Variants in POU2AF3 observed in about 807,000 individuals in gnomAD.
The protein encoded by POU2AF3 is cancer susceptibility candidate 13.
chr11:111,298,782 G>A, the POU2AF3 span: 4 of 1,168,080 alleles, frequency 3.4e-6, no homozygotes, highest in Non-Finnish European at 4.3e-6. Context: ...GAGGGCAGAG[G>A]CCCAGAGGCC....
chr11:111,306,483 T>G, the POU2AF3 span: 45 of 1,516,456 alleles, frequency 3.0e-5, no homozygotes, highest in African/African-American at 6.0e-4. Flanking sequence ...TGAAGAAAAC[T>G]CAAGCTGCCT....
At chr11:111,298,826 G>GGGGGGGCC in the POU2AF3 span, 63 of 790,938 alleles carry the variant, frequency 8.0e-5, no homozygotes, top group South Asian at 2.7e-4. Flanking sequence ...CGTACCCCAG[G>GGGGGGGCC]CCCCCGCCCG....
chr11:111,298,826 G>GGGGGGGCCCC, the POU2AF3 span: 2 of 790,962 alleles, frequency 2.5e-6, no homozygotes, highest in African/African-American at 1.8e-5. Context: ...CGTACCCCAG[G>GGGGGGGCCCC]CCCCCGCCCG....
At chr11:111,304,949 C>T in the POU2AF3 span, 1 of 1,233,014 alleles carries the variant, frequency 8.1e-7, no homozygotes, top group South Asian at 4.1e-5. Context: ...CAGCAGTGTC[C>T]ACCTTTCAGA....
the POU2AF3 span, among the ~76,000 whole-genome samples, chr11:111,301,959 T>C: frequency 6.6e-6 from 1 of 152,222 alleles, no homozygotes; most frequent in African/African-American, 2.4e-5. Flanking sequence ...ATACAGCACA[T>C]GCAGCTGGAA....
the POU2AF3 span, chr11:111,299,179 C>T: frequency 1.0e-6 from 1 of 963,746 alleles, no homozygotes. Context: ...CTCCTGGAAC[C>T]CGGCTTGAGG....
the POU2AF3 span, chr11:111,306,425 C>T: frequency 1.4e-6 from 2 of 1,468,942 alleles, no homozygotes; most frequent in East Asian, 2.5e-5. Flanking sequence ...CAATTTCTTC[C>T]ACGCCCAATT....
the POU2AF3 span, chr11:111,298,826 G>GGGGGGGGGCCCC: frequency 2.3e-5 from 18 of 790,960 alleles, no homozygotes; most frequent in Non-Finnish European, 2.9e-5. Context: ...CGTACCCCAG[G>GGGGGGGGGCCCC]CCCCCGCCCG....
chr11:111,307,719 A>G, the POU2AF3 span, among the ~76,000 whole-genome samples: 1 of 152,364 alleles, frequency 6.6e-6, no homozygotes. Flanking sequence ...TGCCACCTAC[A>G]GCTTAGATTG....
At chr11:111,298,824 A>AGGCCGGGG in the POU2AF3 span, 22 of 903,130 alleles carry the variant, frequency 2.4e-5, no homozygotes, top group Non-Finnish European at 2.9e-5. Context: ...CGCGTACCCC[A>AGGCCGGGG]GGCCCCCGCC....
At chr11:111,304,847 T>C in the POU2AF3 span, 3 of 748,900 alleles carry the variant, frequency 4.0e-6, no homozygotes, top group African/African-American at 3.6e-5. Context: ...GAAAGAAACA[T>C]AGTCCTCATC....
the POU2AF3 span, chr11:111,298,728 G>T: frequency 9.1e-7 from 1 of 1,102,608 alleles, no homozygotes. Flanking sequence ...ATCCGGAGAG[G>T]ACGCGAGCCA....
the POU2AF3 span, chr11:111,299,211 C>A: frequency 2.1e-6 from 2 of 975,418 alleles, no homozygotes; most frequent in African/African-American, 3.5e-5. Context: ...TGTCCAGCTG[C>A]GGTCCCCGCA....
At chr11:111,298,827 C>CCGGGGGGG in the POU2AF3 span, 7 of 631,558 alleles carry the variant, frequency 1.1e-5, no homozygotes, top group Non-Finnish European at 1.3e-5. Flanking sequence ...GTACCCCAGG[C>CCGGGGGGG]CCCCGCCCGC....
the POU2AF3 span, chr11:111,299,954 G>T: frequency 5.0e-6 from 2 of 403,118 alleles, no homozygotes; most frequent in Non-Finnish European, 8.7e-6. Context: ...GCTTGCTCCC[G>T]GGCTGGCTTC....
chr11:111,306,990 G>T, the POU2AF3 span, among the ~76,000 whole-genome samples: 20 of 152,272 alleles, frequency 1.3e-4, no homozygotes, highest in Non-Finnish European at 2.2e-4. Context: ...TGGATTTTTT[G>T]ATGGAATTTT....
the POU2AF3 span, chr11:111,299,030 C>G: frequency 2.0e-6 from 2 of 992,120 alleles, no homozygotes; most frequent in Non-Finnish European, 2.4e-6. Context: ...AGTCCGGAGC[C>G]GATCGGGGAA....
At chr11:111,298,764 C>T in the POU2AF3 span, 1 of 1,140,748 alleles carries the variant, frequency 8.8e-7, no homozygotes, top group Non-Finnish European at 1.1e-6. Flanking sequence ...CACTCAGCGC[C>T]TGTCCCGGAG....
At chr11:111,305,251 G>A in the POU2AF3 span, among the ~76,000 whole-genome samples, 1 of 152,168 alleles carries the variant, frequency 6.6e-6, no homozygotes, top group African/African-American at 2.4e-5. Flanking sequence ...TCATCGCCAA[G>A]TAACTAAACT....
Sources: gnomAD v4.1 joint callset for allele counts (sites outside exome capture counted in the v4.1 genomes callset) on GRCh38, gnomAD v4.1.1 for gene constraint, MANE v1.5 for transcripts, NCBI Gene and HGNC (gene_info 2026-07-23, HGNC 2026-07-21) for gene names.